MEGF6: variants seen among roughly 807,000 people sequenced by gnomAD.
MEGF6 encodes multiple epidermal growth factor-like domains protein 6.
Under a neutral mutation model 207.1 loss-of-function variants are expected in MEGF6, and 184 were observed. That is an observed-to-expected ratio of 0.89 (90% CI 0.79 to 1.00). MEGF6 has a LOEUF of 1.00. Ranked by LOEUF, MEGF6 falls within the 50% of genes least tolerant of loss-of-function variation. MEGF6 has a pLI of 0.00. For missense variants in MEGF6, 2,282 were observed against 2,202.9 expected (o/e 1.04, Z -0.72); for synonymous variants, 1,038 against 910.0 (o/e 1.14, Z -2.53).
Position 3,573,799 on chromosome 1 carries a change from C to T in MEGF6, c.481+6026G>A, listed in dbSNP as rs1407782698. ...GCAGCCCTGGGTGGCGTCTGGAGCT[C>T]GGGCGAGGGGTCAGACTCCCACCCT... On this transcript the variant is annotated intron_variant, in intron 4 of 36. Transcript: ENST00000356575. This position sits in a 1 kb window ranked among gnomAD's most constrained non-coding sequence, Gnocchi z 5.1. Among the ~76,000 whole-genome samples, 1 of 152,150 alleles carries T rather than the reference C, an allele frequency of 6.6e-6. No individual in the cohort carries two copies. Among genetic ancestry groups the T allele is most frequent in the Non-Finnish European group, 1.5e-5 (1 of 68,024 alleles).
intron 4 of MEGF6, 76 bp downstream of exon 4, chr1:3,579,749 G>C: frequency 1.8e-6 from 2 of 1,095,770 alleles, no homozygotes; most frequent in Non-Finnish European, 2.5e-6. Flanking sequence ...GGGACGGCCA[G>C]TGGCCGACAC....
rs766603927 is a variant in MEGF6 at position 3,498,766 on chromosome 1, C to T, written c.3155G>A (p.Gly1052Glu). 10 of 1,558,616 alleles carry T rather than the reference C, an allele frequency of 6.4e-6. No homozygotes were observed. The East Asian group carries it at 1.2e-4, about 19-fold the overall frequency. Residue 1052 changes from glycine to glutamate, a missense_variant, in exon 25 of 37, where the codon GGG (glycine) becomes GAG (glutamate). Physicochemically the swap from Gly to Glu is moderately conservative, Grantham distance 98. Coordinates refer to ENST00000356575, the MANE Select transcript of MEGF6 (RefSeq NM_001409.4). Reference sequence around the variant, plus strand: ...GTGGCCTGAGACAGGGTCACAGGTCCCTCCGTTCTGGCAGAGGCAGGAATG... The same window carrying T: ...GTGGCCTGAGACAGGGTCACAGGTCTCTCCGTTCTGGCAGAGGCAGGAATG... ...CRHSCLCQNG[G>E]TCDPVSGHCA...
upstream of MEGF6, among the ~76,000 whole-genome samples, chr1:3,613,846 C>T (rs562904028): frequency 2.6e-5 from 4 of 151,914 alleles, no homozygotes; most frequent in South Asian, 8.3e-4. Flanking sequence ...CAGGCACTGC[C>T]GCTGTGCTCT....
chr1:3,611,559 CCCGGACCCCAGT>C (rs2101919756), upstream of MEGF6: 1 of 286,120 alleles, frequency 3.5e-6, no homozygotes, highest in Admixed American at 5.5e-5. Context: ...CCGCCCCCAG[CCCGGACCCCAGT>C]CCCGACCCGC....
Position 3,597,969 on chromosome 1 carries a change from C to G in MEGF6, c.267-2522G>C, listed in dbSNP as rs111841832. 9.4e-3 allele frequency among the ~76,000 whole-genome samples: 1,429 copies of G among 152,296 alleles called. 23 individuals carry two copies. The highest frequency in any genetic ancestry group is 0.033 in the African/African-American group (1,374 of 41,550). On this transcript the variant is annotated intron_variant, in intron 2 of 36. Coordinates refer to ENST00000356575, the MANE Select transcript of MEGF6 (RefSeq NM_001409.4). The stretch of plus-strand genomic sequence containing the variant: ...CAACTGCTCACGTGCATGTGAGCAG[C>G]GGGAGGATGGAGACAGAGGCAGAGA...
intron 7 of MEGF6, among the ~76,000 whole-genome samples, chr1:3,512,993 C>T (rs1387621504): frequency 3.3e-5 from 5 of 152,068 alleles, no homozygotes; most frequent in Non-Finnish European, 7.4e-5. Context: ...CGTCGCCCAG[C>T]CATGCTGCAG....
intron 4 of MEGF6, among the ~76,000 whole-genome samples, chr1:3,525,702 G>A (rs912679728): frequency 2.0e-5 from 3 of 152,220 alleles, no homozygotes; most frequent in African/African-American, 4.8e-5. Context: ...GCTGAGAGCC[G>A]GTGGTGCTCC....
rs181636334 is a variant in MEGF6 at position 3,569,828 on chromosome 1, G to A, written c.481+9997C>T. Among the ~76,000 whole-genome samples the A allele has an allele frequency of 7.1e-4, 108 of 152,300 alleles. 1 individual carries two copies. Among genetic ancestry groups the A allele is most frequent in the African/African-American group, 2.4e-3 (98 of 41,562 alleles). Reference sequence around the variant, plus strand: ...CACCCCACAATGCCTGGGAGGGTCCGCCTCTTAATGTCTCCTGCTGTAATT... The same window carrying A: ...CACCCCACAATGCCTGGGAGGGTCCACCTCTTAATGTCTCCTGCTGTAATT... On this transcript the variant is annotated intron_variant, in intron 4 of 36. Coordinates refer to ENST00000356575, the MANE Select transcript of MEGF6 (RefSeq NM_001409.4).
chr1:3,581,968 A>T (rs1256909016), intron 3 of MEGF6, among the ~76,000 whole-genome samples: 1 of 152,108 alleles, frequency 6.6e-6, no homozygotes, highest in Non-Finnish European at 1.5e-5. Context: ...CTAAATCTGA[A>T]ACAAAGGGGA....
intron 4 of MEGF6, among the ~76,000 whole-genome samples, chr1:3,551,837 C>T (rs1642894921): frequency 6.6e-6 from 1 of 152,182 alleles, no homozygotes; most frequent in African/African-American, 2.4e-5. Flanking sequence ...CGAGGCCACC[C>T]TCTGGGAGCC....
intron 4 of MEGF6, among the ~76,000 whole-genome samples, chr1:3,535,449 C>A (rs574551497): frequency 6.6e-6 from 1 of 152,284 alleles, no homozygotes; most frequent in Admixed American, 6.5e-5. Context: ...CAGAAGGCTG[C>A]CCCTCTCCAG....
Position 3,490,336 on chromosome 1 carries a change from G to A in MEGF6, c.*192C>T, listed in dbSNP as rs1001992255. On this transcript the variant is annotated 3_prime_UTR_variant, in exon 37 of 37. Coordinates refer to ENST00000356575, the MANE Select transcript of MEGF6 (RefSeq NM_001409.4). Reference sequence around the variant, plus strand: ...GCCTCTCTTCCAGCGGCCATGCGAGGCTTCCCTCCTCAAGGCCACACCAGC... The same window carrying A: ...GCCTCTCTTCCAGCGGCCATGCGAGACTTCCCTCCTCAAGGCCACACCAGC... 6 of 626,212 alleles carry A rather than the reference G, an allele frequency of 9.6e-6. No homozygotes were observed. The African/African-American group carries it at 1.1e-4, about 12-fold the overall frequency. 38.8% of individuals were successfully genotyped at this position (626,212 alleles called of 1,614,324 possible). A position where few individuals can be genotyped will look rare whatever the true frequency, so the allele number is the denominator to read the frequency against.
rs555955102 is a variant in MEGF6, at chr1:3,502,011, C to T, written c.2189-90G>A. The T allele has an allele frequency of 2.6e-6, 4 of 1,532,870 alleles. No homozygotes were observed. In the East Asian group the frequency reaches 9.5e-5, roughly 37 times the overall value. The allele number at this position is 1,532,870 out of a possible 1,614,324, so 95.0% of individuals were successfully genotyped here. On this transcript the variant is annotated intron_variant, in intron 17 of 36. Transcript: ENST00000356575. ...CCCAGGGGCTCCTGGTGAGTGTGCC[C>T]CCTGTGCCTCACATGGGCTCCTGGC...
chr1:3,494,733 G>A lies in MEGF6; in HGVS notation c.3880C>T (p.Gln1294Ter). The A allele has an allele frequency of 6.3e-7, 1 of 1,582,034 alleles. No homozygotes were observed. Among genetic ancestry groups the A allele is most frequent in the Non-Finnish European group, 8.6e-7 (1 of 1,163,856 alleles). ...TCGCAGCCCACGCCAAACCGGTTCT[G>A]GGGGCAGCCTGGAGACAGAAGGCAG... ...AGVRCERGCP[Q>*]NRFGVGCEHT... Residue 1294 changes from glutamine (Q) to a stop codon, truncating the protein, a stop_gained, in exon 31 of 37, where the codon CAG (glutamine) becomes TAG (stop). Coordinates refer to ENST00000356575, the MANE Select transcript of MEGF6 (RefSeq NM_001409.4). LOFTEE classifies it high-confidence loss of function.
Position 3,573,194 on chromosome 1 carries a change from C to T in MEGF6, c.481+6631G>A, listed in dbSNP as rs1479997986. 6.6e-6 allele frequency among the ~76,000 whole-genome samples: 1 copy of T among 151,332 alleles called. No homozygotes were observed. Among genetic ancestry groups the T allele is most frequent in the Non-Finnish European group, 1.5e-5 (1 of 67,798 alleles). On this transcript the variant is annotated intron_variant, in intron 4 of 36. Coordinates refer to ENST00000356575, the MANE Select transcript of MEGF6 (RefSeq NM_001409.4). This position sits in a 1 kb window ranked among gnomAD's most constrained non-coding sequence, Gnocchi z 5.1. ...GGTCCTCCCTGGTATGCTGGGTCCT[C>T]CTGCGTGTGCTGCGTCCTTCCTGTG...
At chr1:3,495,771 G>A in intron 30 of MEGF6, 119 bp downstream of exon 30, 1 of 1,291,056 alleles carries the variant, frequency 7.7e-7, no homozygotes, top group African/African-American at 1.5e-5. Context: ...GTGGGGAGCT[G>A]GTGGCAGCCA....
At chr1:3,543,590 C>T (rs1398810461) in intron 4 of MEGF6, among the ~76,000 whole-genome samples, 1 of 152,226 alleles carries the variant, frequency 6.6e-6, no homozygotes, top group Non-Finnish European at 1.5e-5. Context: ...CGGGGCGAGG[C>T]CAGGGACGGG....
At chr1:3,540,959 A>G (rs1361903725) in intron 4 of MEGF6, among the ~76,000 whole-genome samples, 1 of 152,240 alleles carries the variant, frequency 6.6e-6, no homozygotes, top group Non-Finnish European at 1.5e-5. Flanking sequence ...ACTGGGAATG[A>G]GTAAGAAGCC....
At chr1:3,577,525 G>A (rs1643675075) in intron 4 of MEGF6, among the ~76,000 whole-genome samples, 1 of 152,232 alleles carries the variant, frequency 6.6e-6, no homozygotes, top group Non-Finnish European at 1.5e-5. Flanking sequence ...AATGAAGTGT[G>A]GAGCTGATGA....
Sources: gnomAD v4.1 joint callset for allele counts (sites outside exome capture counted in the v4.1 genomes callset) on GRCh38, gnomAD v4.1.1 for gene constraint, Gnocchi (gnomAD v3.1) non-coding constraint, MANE v1.5 for transcripts, NCBI Gene and HGNC (gene_info 2026-07-23, HGNC 2026-07-21) for gene names.